Variants in ADGRV1 observed in about 807,000 individuals in gnomAD.
ADGRV1 encodes G-protein coupled receptor 98.
Under a neutral mutation model 596.2 loss-of-function variants are expected in ADGRV1, and 359 were observed. The observed-to-expected ratio is 0.60, with a 90% CI of 0.55 to 0.66. ADGRV1 has a LOEUF of 0.66. ADGRV1 is among the 30% of genes least tolerant of loss of function. The probability of loss-of-function intolerance (pLI) is 0.00; values close to 1 mark genes in which losing one functional copy is unlikely to be tolerated. For missense variants in ADGRV1, 7,274 were observed against 7,575.6 expected (o/e 0.96, Z 1.48); for synonymous variants, 2,681 against 2,679.2 (o/e 1.00, Z -0.02).
chr5:91,056,520 TG>T (rs1288048019), intron 85 of ADGRV1, among the ~76,000 whole-genome samples: 1 of 152,134 alleles, frequency 6.6e-6, no homozygotes, highest in Non-Finnish European at 1.5e-5. Context: ...ATTTTTTTTT[TG>T]AATTTTCTTT....
intron 87 of ADGRV1, among the ~76,000 whole-genome samples, chr5:91,105,887 A>G (rs1014472388): frequency 2.0e-5 from 3 of 151,436 alleles, no homozygotes; most frequent in Non-Finnish European, 4.4e-5. Flanking sequence ...AAGATTTTAT[A>G]AATAAGAATC....
intron 89 of ADGRV1, among the ~76,000 whole-genome samples, chr5:91,157,895 A>C (rs1796603429): frequency 6.6e-6 from 1 of 152,194 alleles, no homozygotes. Context: ...CCCAGCCTGA[A>C]GACTTCTACT....
At chr5:90,808,245 C>T (rs751721842) in intron 73 of ADGRV1, among the ~76,000 whole-genome samples, 4 of 152,124 alleles carry the variant, frequency 2.6e-5, no homozygotes, top group Admixed American at 6.5e-5. Context: ...CAGCCAAAAG[C>T]AATTTACTTT....
intron 87 of ADGRV1, among the ~76,000 whole-genome samples, chr5:91,137,083 T>G (rs1336945688): frequency 6.6e-6 from 1 of 152,184 alleles, no homozygotes; most frequent in Admixed American, 6.5e-5. Flanking sequence ...CTATGAAAAA[T>G]TGGCTATGCA....
At chr5:91,099,202 A>G (rs1250587673) in intron 86 of ADGRV1, among the ~76,000 whole-genome samples, 1 of 151,846 alleles carries the variant, frequency 6.6e-6, no homozygotes, top group African/African-American at 2.4e-5. Context: ...AATTTTGACA[A>G]TTTGTATATA....
chr5:90,820,973 A>G (rs1457737874), intron 75 of ADGRV1, among the ~76,000 whole-genome samples: 1 of 151,744 alleles, frequency 6.6e-6, no homozygotes, highest in Non-Finnish European at 1.5e-5. Context: ...GCCTTGCTAG[A>G]TTGGGGAAGT....
At chr5:91,085,716 T>C (rs191311245) in intron 86 of ADGRV1, among the ~76,000 whole-genome samples, 1 of 152,320 alleles carries the variant, frequency 6.6e-6, no homozygotes, top group East Asian at 1.9e-4. Flanking sequence ...CACAACTGCC[T>C]CACATCTTAA....
At chr5:90,982,975 C>T (rs1310482428) in intron 84 of ADGRV1, among the ~76,000 whole-genome samples, 1 of 152,104 alleles carries the variant, frequency 6.6e-6, no homozygotes, top group Non-Finnish European at 1.5e-5. Flanking sequence ...ACAAATCTTA[C>T]GTTTGGCCTA....
At chr5:90,884,319 T>A (rs10942616) in intron 83 of ADGRV1, among the ~76,000 whole-genome samples, 31,959 of 152,040 alleles carry the variant, frequency 0.21, 5,266 homozygotes, top group African/African-American at 0.44. Context: ...TCCAAATGAG[T>A]ACCACTACTC....
intron 1 of ADGRV1, among the ~76,000 whole-genome samples, chr5:90,559,383 A>G (rs1471232094): frequency 1.3e-5 from 2 of 152,208 alleles, no homozygotes; most frequent in Admixed American, 6.5e-5. Flanking sequence ...GTGTTCCAAA[A>G]TAACCACTGC....
intron 22 of ADGRV1, among the ~76,000 whole-genome samples, chr5:90,673,122 G>A (rs2149540975): frequency 6.6e-6 from 1 of 152,284 alleles, no homozygotes; most frequent in South Asian, 2.1e-4. Flanking sequence ...TGTAGAGCAT[G>A]GCTCAGTTAT....
At chr5:90,709,984 TAATATGCCCCAAATCACAC>T (rs1462042176) in intron 39 of ADGRV1, among the ~76,000 whole-genome samples, 1 of 152,216 alleles carries the variant, frequency 6.6e-6, no homozygotes, top group East Asian at 1.9e-4. Flanking sequence ...AGAAGCTGCG[TAATATGCCCCAAATCACAC>T]AGCTGGAGAC....
chr5:90,746,046 A>T (rs1754590457), intron 52 of ADGRV1, among the ~76,000 whole-genome samples: 1 of 152,046 alleles, frequency 6.6e-6, no homozygotes, highest in Non-Finnish European at 1.5e-5. Flanking sequence ...CTTTTATAGG[A>T]TTGACTTTGA....
intron 75 of ADGRV1, among the ~76,000 whole-genome samples, chr5:90,820,929 G>A (rs927849997): frequency 3.3e-5 from 5 of 151,928 alleles, no homozygotes; most frequent in Admixed American, 2.0e-4. Context: ...TCTTTGTGGC[G>A]TTCTCTGCAT....
At chr5:90,866,689 A>G (rs1047314033) in intron 83 of ADGRV1, among the ~76,000 whole-genome samples, 9 of 152,036 alleles carry the variant, frequency 5.9e-5, no homozygotes, top group Non-Finnish European at 7.4e-5. Context: ...GTACCATAAG[A>G]AAGATTGTAC....
At chr5:90,636,284 T>C (rs1041985562) in intron 10 of ADGRV1, among the ~76,000 whole-genome samples, 5 of 152,058 alleles carry the variant, frequency 3.3e-5, no homozygotes, top group African/African-American at 9.7e-5. Flanking sequence ...TTAAATTTGA[T>C]TTAAACCTAG....
intron 85 of ADGRV1, among the ~76,000 whole-genome samples, chr5:91,054,409 G>A (rs1401619916): frequency 6.6e-6 from 1 of 152,028 alleles, no homozygotes; most frequent in Non-Finnish European, 1.5e-5. Context: ...AAAGTATGGG[G>A]CAAAAAATCA....
chr5:90,671,488 G>A (rs1339232576), intron 21 of ADGRV1, among the ~76,000 whole-genome samples: 2 of 152,202 alleles, frequency 1.3e-5, no homozygotes, highest in Non-Finnish European at 2.9e-5. Flanking sequence ...GAACACCCAG[G>A]TTGCTGCTGC....
intron 48 of ADGRV1, among the ~76,000 whole-genome samples, chr5:90,726,850 G>A (rs189448802): frequency 3.9e-5 from 6 of 152,212 alleles, no homozygotes; most frequent in Admixed American, 2.0e-4. Context: ...ATAGGCTAGC[G>A]TATTTTAAAT....
Sources: allele counts gnomAD v4.1 joint callset (sites outside exome capture counted in the v4.1 genomes callset), GRCh38; gene constraint gnomAD v4.1.1; transcripts MANE v1.5; gene names NCBI Gene and HGNC (gene_info 2026-07-23, HGNC 2026-07-21).